Variants in APTX observed in about 807,000 individuals in gnomAD.
APTX encodes the protein forkhead-associated domain histidine triad-like protein.
A neutral mutation model predicts 42.3 loss-of-function variants in APTX; 33 were observed. The observed-to-expected ratio is 0.78, with a 90% CI of 0.59 to 1.04. The LOEUF is 1.04. Ranked by LOEUF, APTX falls within the 50% of genes least tolerant of loss-of-function variation. The pLI, the probability that APTX is intolerant of heterozygous loss-of-function variation, is 0.00. For synonymous variants in APTX, 130 were observed against 146.7 expected (o/e 0.89, Z 0.82); for missense variants, 421 against 415.1 (o/e 1.01, Z -0.12).
chr9:33,017,890 A>C (rs969992239), intron 1 of APTX, among the ~76,000 whole-genome samples: 3 of 149,836 alleles, frequency 2.0e-5, no homozygotes, highest in Admixed American at 1.3e-4. Flanking sequence ...GAAAGTTCCA[A>C]TCCTCTAATC....
At chr9:33,024,103 T>G (rs1225231552) in intron 1 of APTX, among the ~76,000 whole-genome samples, 1 of 152,250 alleles carries the variant, frequency 6.6e-6, no homozygotes, top group Non-Finnish European at 1.5e-5. Flanking sequence ...ACCTCATGGT[T>G]TCTCTGGCAG....
intron 4 of APTX, 26 bp from the exon 5 acceptor site, chr9:32,986,056 A>AAAC: frequency 7.4e-6 from 6 of 809,226 alleles, no homozygotes; most frequent in Admixed American, 3.3e-5. Flanking sequence ...AAAAAAAAAC[A>AAAC]AAAAAAAAAA....
chr9:33,013,668 A>G (rs78602420), intron 1 of APTX, among the ~76,000 whole-genome samples: 6,344 of 152,238 alleles, frequency 0.042, 197 homozygotes, highest in East Asian at 0.12. Context: ...TTAGCCGGGC[A>G]TGGTGGCAGG....
upstream of APTX, chr9:33,001,656 T>C (rs756075467): frequency 3.1e-6 from 5 of 1,609,350 alleles, no homozygotes; most frequent in Non-Finnish European, 4.2e-6. Context: ...GCCGGCTGTA[T>C]CGCGACCAGT....
rs1832608226 is a variant in APTX, at chr9:32,988,011, GCA to G, written c.180+70_180+71del. 3 of 1,550,148 alleles carry G rather than the reference GCA, an allele frequency of 1.9e-6. No individual in the cohort carries two copies. The South Asian group carries it at 3.3e-5, about 17-fold the overall frequency. On this transcript the variant is annotated intron_variant, in intron 3 of 7. Coordinates refer to ENST00000379817, the MANE Select transcript of APTX (RefSeq NM_001195248.2). Reference sequence around the variant, plus strand: ...ATGACAGAGAAGCCTTCACTGGCTGGCACAGACACTCTAAAGTCAACAGCATA... The same window carrying G: ...ATGACAGAGAAGCCTTCACTGGCTGGCAGACACTCTAAAGTCAACAGCATA...
At chr9:32,985,803 G>T (rs1006272487) in intron 5 of APTX, among the ~76,000 whole-genome samples, 168 bp downstream of exon 5, 1 of 152,138 alleles carries the variant, frequency 6.6e-6, no homozygotes, top group East Asian at 1.9e-4. Flanking sequence ...AATGACAGCT[G>T]CTACTTTATT....
Position 33,013,108 on chromosome 9 carries a change from C to T in APTX, c.-5+11915G>A, listed in dbSNP as rs117359377. Among the ~76,000 whole-genome samples the T allele has an allele frequency of 9.2e-4, 140 of 152,324 alleles. No individual in the cohort carries two copies. In the East Asian group the frequency reaches 0.021, roughly 22 times the overall value. ...ATGTAATGTTGATTTACTAGCTCTA[C>T]TATTTCCTCTGTTTGAATAGGATAA... On this transcript the variant is annotated intron_variant, in intron 1 of 6. Transcript: ENST00000436040.
At chr9:32,983,177 A>G (rs1279782274) in intron 6 of APTX, among the ~76,000 whole-genome samples, 1 of 152,074 alleles carries the variant, frequency 6.6e-6, no homozygotes, top group Admixed American at 6.6e-5. Context: ...ACTCAAGGGG[A>G]AAAAAATAAA....
chr9:33,016,655 A>G (rs890118298), intron 1 of APTX, among the ~76,000 whole-genome samples: 1 of 151,554 alleles, frequency 6.6e-6, no homozygotes, highest in Non-Finnish European at 1.5e-5. Flanking sequence ...GTGACTAAAT[A>G]GAATGCATTA....
At chr9:32,990,515 T>C (rs1223071571) in intron 1 of APTX, among the ~76,000 whole-genome samples, 2 of 152,130 alleles carry the variant, frequency 1.3e-5, no homozygotes, top group Non-Finnish European at 2.9e-5. Context: ...AGGCTACATA[T>C]TGAAAGTCAA....
At chr9:32,987,887 A>G in intron 3 of APTX, 41 bp from the exon 4 acceptor site, 2 of 1,604,018 alleles carry the variant, frequency 1.2e-6, no homozygotes, top group Non-Finnish European at 1.7e-6. Context: ...AATAATAGCA[A>G]CAGCACCTAC....
chr9:33,018,080 G>A (rs891927182), intron 1 of APTX, among the ~76,000 whole-genome samples: 3 of 151,802 alleles, frequency 2.0e-5, no homozygotes, highest in Admixed American at 2.0e-4. Flanking sequence ...CTCTGGCCAG[G>A]AGTCAGAAAT....
intron 4 of APTX, 35 bp downstream of exon 4, chr9:32,987,509 T>G: frequency 6.2e-7 from 1 of 1,611,598 alleles, no homozygotes; most frequent in South Asian, 1.1e-5. Context: ...ATTTCATTTC[T>G]TCTCCACATC....
intron 6 of APTX, among the ~76,000 whole-genome samples, chr9:32,976,574 G>A (rs970760049): frequency 2.4e-4 from 37 of 152,122 alleles, no homozygotes; most frequent in Non-Finnish European, 4.9e-4. Context: ...GGTCAGTATA[G>A]GTTTCCAAAT....
upstream of APTX, among the ~76,000 whole-genome samples, chr9:33,006,445 CTTCT>C (rs1034262703): frequency 9.9e-5 from 15 of 152,206 alleles, no homozygotes; most frequent in African/African-American, 2.9e-4. Context: ...CCTGAAAGCC[CTTCT>C]TTCTTTAAGA....
chr9:32,986,068 A>AC, intron 4 of APTX, 38 bp from the exon 5 acceptor site: 3 of 1,506,982 alleles, frequency 2.0e-6, no homozygotes, highest in Non-Finnish European at 2.7e-6. Context: ...AAAAAAAAAA[A>AC]AACAAGCAAT....
intron 1 of APTX, among the ~76,000 whole-genome samples, chr9:33,017,744 A>T (rs1028765863): frequency 6.6e-6 from 1 of 152,148 alleles, no homozygotes; most frequent in African/African-American, 2.4e-5. Flanking sequence ...TTCCAACACC[A>T]ACCTGGAAGC....
upstream of APTX, among the ~76,000 whole-genome samples, chr9:33,005,125 T>A (rs1470376877): frequency 6.6e-6 from 1 of 152,132 alleles, no homozygotes; most frequent in Non-Finnish European, 1.5e-5. Context: ...ATTTTTGTTT[T>A]GTTTTGTTGT....
chr9:32,990,929 C>CT (rs984191354), intron 1 of APTX, among the ~76,000 whole-genome samples: 91 of 146,984 alleles, frequency 6.2e-4, no homozygotes, highest in Non-Finnish European at 6.2e-4. Flanking sequence ...AATTTCTTTA[C>CT]TTTTTTTTTT....
Sources: allele counts gnomAD v4.1 joint callset (sites outside exome capture counted in the v4.1 genomes callset), GRCh38; gene constraint gnomAD v4.1.1; transcripts MANE v1.5; gene names NCBI Gene and HGNC (gene_info 2026-07-23, HGNC 2026-07-21).